The following CD82 variants were observed in gnomAD, a reference collection of about 807,000 sequenced individuals.
CD82 encodes the protein CD82 molecule, also known as CD82 antigen.
A neutral mutation model predicts 37.4 loss-of-function variants in CD82; 36 were observed. The ratio of observed to expected loss-of-function variants is 0.96; its 90% CI spans 0.74 to 1.27. CD82 has a LOEUF of 1.27. Ranked by LOEUF, CD82 falls within the 50% of genes most tolerant of loss-of-function variation. The pLI is 0.00. For missense variants in CD82, 340 were observed against 347.0 expected (o/e 0.98, Z 0.16); for synonymous variants, 158 against 137.4 (o/e 1.15, Z -1.05).
chr11:44,603,034 C>T (rs968989912), intron 4 of CD82, among the ~76,000 whole-genome samples: 25 of 152,322 alleles, frequency 1.6e-4, no homozygotes, highest in Non-Finnish European at 2.8e-4. Flanking sequence ...GGCTGGCACA[C>T]GGCGGCTGTC....
intron 1 of CD82, among the ~76,000 whole-genome samples, chr11:44,568,688 G>C (rs1413659582): frequency 6.6e-6 from 1 of 152,174 alleles, no homozygotes; most frequent in African/African-American, 2.4e-5. Flanking sequence ...GGCTTCCCTG[G>C]GCTCCTCTGA....
At chr11:44,566,119 C>A (rs902044329) in intron 1 of CD82, 1 of 152,248 alleles carries the variant, frequency 6.6e-6, no homozygotes, top group African/African-American at 2.4e-5. Flanking sequence ...TCTGCAGTTT[C>A]TCTCCCTGCA....
chr11:44,601,365 C>A (rs1006701333), intron 4 of CD82, among the ~76,000 whole-genome samples: 9 of 152,114 alleles, frequency 5.9e-5, no homozygotes, highest in Non-Finnish European at 1.0e-4. Context: ...ACATCTGATG[C>A]ACCCCGGGGC....
chr11:44,576,790 C>T (rs1019854675), intron 1 of CD82, among the ~76,000 whole-genome samples: 19 of 152,202 alleles, frequency 1.2e-4, no homozygotes, highest in African/African-American at 4.6e-4. Context: ...CTCAAGCCTT[C>T]CAGCACCCTG....
At chr11:44,604,242 G>A (rs570341521) in intron 4 of CD82, among the ~76,000 whole-genome samples, 1 of 152,228 alleles carries the variant, frequency 6.6e-6, no homozygotes, top group East Asian at 1.9e-4. Context: ...CTGGCACAGT[G>A]CCTGGCATGA....
intron 1 of CD82, among the ~76,000 whole-genome samples, chr11:44,579,493 G>A (rs73454716): frequency 0.15 from 23,120 of 152,010 alleles, 1,826 homozygotes; most frequent in South Asian, 0.19. Flanking sequence ...GTGCTCCAGG[G>A]GACCAGAGGC....
chr11:44,586,102 C>T (rs1444120184), intron 1 of CD82, among the ~76,000 whole-genome samples: 1 of 152,160 alleles, frequency 6.6e-6, no homozygotes, highest in Non-Finnish European at 1.5e-5. Context: ...GGAGCCATGG[C>T]AGTGGGTCTC....
At chr11:44,615,009 C>T (rs1016403108) in intron 6 of CD82, among the ~76,000 whole-genome samples, 2 of 152,134 alleles carry the variant, frequency 1.3e-5, no homozygotes, top group East Asian at 1.9e-4. Context: ...AGGTGGGAGG[C>T]CCCTACGGGG....
Position 44,618,688 on chromosome 11 carries a change from A to G in CD82, c.691A>G (p.Ile231Val), listed in dbSNP as rs1230887505. Reference protein sequence around the residue: ...QAWLQENLGIILGVGVGVAII... With the variant: ...QAWLQENLGIVLGVGVGVAII... ...GTGGCTGCAGGAGAACCTGGGCATC[A>G]TCCTCGGCGTGGGCGTGGGTGTGGC... Residue 231 changes from isoleucine (I) to valine (V), a missense_variant, in exon 9 of 10, where the codon ATC becomes GTC. Coordinates refer to ENST00000227155, the MANE Select transcript of CD82 (RefSeq NM_002231.4). 3.1e-6 allele frequency: 5 copies of G among 1,613,312 alleles called. No homozygotes were observed. In the Admixed American group the frequency reaches 5.0e-5, roughly 16 times the overall value.
intron 1 of CD82, among the ~76,000 whole-genome samples, chr11:44,584,052 C>G (rs1565083558): frequency 6.6e-6 from 1 of 152,174 alleles, no homozygotes; most frequent in Non-Finnish European, 1.5e-5. Flanking sequence ...TTCTTCCCAC[C>G]TTGGTGGTGG....
chr11:44,618,093 C>A, intron 7 of CD82, 69 bp from the exon 8 acceptor site: 2 of 1,447,606 alleles, frequency 1.4e-6, no homozygotes, highest in South Asian at 1.2e-5. Context: ...GAGGTCCTCC[C>A]TCTGCCAGGA....
intron 1 of CD82, among the ~76,000 whole-genome samples, chr11:44,584,610 A>G (rs1853026649): frequency 6.6e-6 from 1 of 151,558 alleles, no homozygotes; most frequent in Non-Finnish European, 1.5e-5. Flanking sequence ...CTTAAAGGAA[A>G]CCTGAGGCCC....
intron 2 of CD82, among the ~76,000 whole-genome samples, chr11:44,590,610 C>CAAGAAAAA (rs1853129717): frequency 3.0e-5 from 1 of 33,450 alleles, no homozygotes; most frequent in African/African-American, 1.0e-4. Flanking sequence ...GATTCTGTCT[C>CAAGAAAAA]AAAAAAAAAA....
chr11:44,578,431 G>T (rs981711536), intron 1 of CD82, among the ~76,000 whole-genome samples: 1 of 152,098 alleles, frequency 6.6e-6, no homozygotes, highest in Admixed American at 6.5e-5. Flanking sequence ...TTCCTATAGC[G>T]CCTAGCACCT....
At chr11:44,594,879 G>A (rs1853199796) in intron 3 of CD82, 154 bp downstream of exon 3, 1 of 647,504 alleles carries the variant, frequency 1.5e-6, no homozygotes, top group Admixed American at 2.3e-5. Flanking sequence ...GAACCTAGTT[G>A]GGGTGGTGAG....
intron 5 of CD82, 80 bp downstream of exon 5, chr11:44,605,262 A>G (rs954117102): frequency 1.9e-6 from 3 of 1,608,500 alleles, no homozygotes; most frequent in Non-Finnish European, 2.6e-6. Flanking sequence ...CGCTGGCCGT[A>G]ACATCGGGTG....
chr11:44,618,482 G>T (rs1853602006), intron 8 of CD82, 117 bp downstream of exon 8: 1 of 1,075,008 alleles, frequency 9.3e-7, no homozygotes, highest in East Asian at 2.4e-5. Flanking sequence ...TCTGTCATTT[G>T]TACCTTCATC....
At chr11:44,572,001 T>C (rs910547722) in intron 1 of CD82, among the ~76,000 whole-genome samples, 3 of 152,248 alleles carry the variant, frequency 2.0e-5, no homozygotes, top group Non-Finnish European at 4.4e-5. Flanking sequence ...GTTATAGCCC[T>C]TCTTGGGCTA....
intron 1 of CD82, among the ~76,000 whole-genome samples, chr11:44,582,459 C>A (rs1852993645): frequency 6.6e-6 from 1 of 152,176 alleles, no homozygotes; most frequent in South Asian, 2.1e-4. Context: ...TTGGGTTTGG[C>A]ACGCTGATTC....
Sources: gnomAD v4.1 joint callset for allele counts (sites outside exome capture counted in the v4.1 genomes callset) on GRCh38, gnomAD v4.1.1 for gene constraint, MANE v1.5 for transcripts, NCBI Gene and HGNC (gene_info 2026-07-23, HGNC 2026-07-21) for gene names.